PDE1A: variants seen among roughly 807,000 people sequenced by gnomAD.
The protein encoded by PDE1A is dual specificity calcium/calmodulin-dependent 3',5'-cyclic nucleotide phosphodiesterase 1A.
A neutral mutation model predicts 61.7 loss-of-function variants in PDE1A; 35 were observed. That is an observed-to-expected ratio of 0.57 (90% CI 0.43 to 0.75). PDE1A has a LOEUF of 0.75. Among genes scored for constraint, PDE1A ranks in the 30% least tolerant of loss-of-function variants. The probability of loss-of-function intolerance (pLI) is 0.00; values close to 1 mark genes in which losing one functional copy is unlikely to be tolerated. For synonymous variants in PDE1A, 232 were observed against 213.2 expected (o/e 1.09, Z -0.77); for missense variants, 597 against 630.6 (o/e 0.95, Z 0.57).
At chr2:182,677,880 A>G in the PDE1A span, among the ~76,000 whole-genome samples, 1 of 152,198 alleles carries the variant, frequency 6.6e-6, no homozygotes, top group African/African-American at 2.4e-5. Context: ...TTTTCTGTAC[A>G]TGTCTGACTG....
the PDE1A span, among the ~76,000 whole-genome samples, chr2:182,542,462 G>A: frequency 6.6e-6 from 1 of 152,060 alleles, no homozygotes. Context: ...CTTGCATTCT[G>A]TATGAATTAA....
chr2:182,203,025 CTATA>C lies in PDE1A; in HGVS notation c.903-1240_903-1237del, dbSNP rs200757950. Among the ~76,000 whole-genome samples the C allele has an allele frequency of 3.4e-3, 524 of 152,166 alleles. 18 individuals are homozygous for C. The highest frequency in any genetic ancestry group is 0.031 in the Admixed American group (478 of 15,282). On this transcript the variant is annotated intron_variant, in intron 8 of 13. Transcript: ENST00000351439. ...CTATTTAATTGCCTTTTTAAAAAAA[CTATA>C]TATTGGCTGGGCATGGTGGCTCACG...
intron 1 of PDE1A, among the ~76,000 whole-genome samples, chr2:182,411,813 C>A (rs1702632322): frequency 6.6e-6 from 1 of 152,178 alleles, no homozygotes; most frequent in South Asian, 2.1e-4. Flanking sequence ...GTAATCCCAG[C>A]ACTTTGGGAG....
At chr2:182,262,955 ATGTGTGTGTGTG>A (rs60469609) in intron 2 of PDE1A, among the ~76,000 whole-genome samples, 3 of 147,158 alleles carry the variant, frequency 2.0e-5, no homozygotes, top group African/African-American at 2.5e-5. Context: ...TTATTAAACA[ATGTGTGTGTGTG>A]TGTGTGTGTG....
intron 2 of PDE1A, among the ~76,000 whole-genome samples, chr2:182,263,541 G>A (rs1692382488): frequency 6.6e-6 from 1 of 152,042 alleles, no homozygotes; most frequent in African/African-American, 2.4e-5. Context: ...GTCAAATGCT[G>A]GAAATGCATG....
chr2:182,389,002 G>A (rs932165580), intron 1 of PDE1A, among the ~76,000 whole-genome samples: 4 of 152,020 alleles, frequency 2.6e-5, no homozygotes, highest in Admixed American at 6.5e-5. Flanking sequence ...AGACTACTAT[G>A]AACAATTGTA....
chr2:182,626,768 TATAC>T, the PDE1A span, among the ~76,000 whole-genome samples: 6 of 3,150 alleles, frequency 1.9e-3, 2 homozygotes, highest in South Asian at 0.045. Context: ...TATACATATA[TATAC>T]ATATATATAC....
At chr2:182,249,432 C>A (rs761104437) in intron 2 of PDE1A, among the ~76,000 whole-genome samples, 1 of 152,040 alleles carries the variant, frequency 6.6e-6, no homozygotes, top group Non-Finnish European at 1.5e-5. Context: ...CTTGGTCTTG[C>A]GGGGCAAACC....
chr2:182,225,964 A>G (rs577443948), intron 6 of PDE1A, among the ~76,000 whole-genome samples: 1 of 149,912 alleles, frequency 6.7e-6, no homozygotes, highest in Middle Eastern at 3.4e-3. Flanking sequence ...GTTACCTTAT[A>G]GAGGTCTGAA....
intron 3 of PDE1A, among the ~76,000 whole-genome samples, chr2:182,234,817 C>G (rs980768014): frequency 6.6e-6 from 1 of 152,170 alleles, no homozygotes; most frequent in Non-Finnish European, 1.5e-5. Flanking sequence ...TTCTAACATG[C>G]CACCATATCC....
the PDE1A span, among the ~76,000 whole-genome samples, chr2:182,561,960 A>T: frequency 3.9e-5 from 6 of 152,004 alleles, no homozygotes; most frequent in Admixed American, 6.6e-5. Flanking sequence ...TTTTGGGCTG[A>T]GACAATGGTG....
the PDE1A span, among the ~76,000 whole-genome samples, chr2:182,578,569 A>G: frequency 6.6e-6 from 1 of 152,222 alleles, no homozygotes; most frequent in Non-Finnish European, 1.5e-5. Context: ...TTAACAGCAA[A>G]GAGGACAGGG....
In PDE1A at chr2:182,434,450, T is replaced by C. The variant is rs536989327; in HGVS notation, c.101+87826A>G. Among the ~76,000 whole-genome samples, 20 of 152,210 alleles carry C rather than the reference T, an allele frequency of 1.3e-4. No individual in the cohort carries two copies. The South Asian group carries it at 4.1e-3, about 32-fold the overall frequency. On this transcript the variant is annotated intron_variant, in intron 2 of 14. Coordinates refer to the PDE1A transcript ENST00000410103. The stretch of plus-strand genomic sequence containing the variant: ...GTTACAGAAGCTGGGAAGTCCAATA[T>C]CAAGGTGTCAGCCTCTGGTTTAGTG...
At chr2:182,179,524 C>T (rs1684564958) in intron 13 of PDE1A, among the ~76,000 whole-genome samples, 1 of 152,076 alleles carries the variant, frequency 6.6e-6, no homozygotes, top group Admixed American at 6.6e-5. Flanking sequence ...ATAATTAGCT[C>T]ATGGGTGGGA....
At chr2:182,503,733 G>C (rs1024105989) in intron 2 of PDE1A, among the ~76,000 whole-genome samples, 1 of 152,084 alleles carries the variant, frequency 6.6e-6, no homozygotes, top group African/African-American at 2.4e-5. Context: ...AAACTCCCAA[G>C]AGTTTGTTGC....
the PDE1A span, among the ~76,000 whole-genome samples, chr2:182,658,805 A>G: frequency 4.7e-4 from 71 of 152,330 alleles, no homozygotes; most frequent in African/African-American, 1.7e-3. Flanking sequence ...TTTGGATATG[A>G]GATGTCCAGA....
At chr2:182,234,580 T>C in intron 3 of PDE1A, 82 bp from the exon 4 acceptor site, 1 of 913,808 alleles carries the variant, frequency 1.1e-6, no homozygotes, top group Non-Finnish European at 1.8e-6. Context: ...AGGGAAAAGA[T>C]TACTTTTGAC....
chr2:182,155,650 G>A (rs201773584), intron 13 of PDE1A, among the ~76,000 whole-genome samples: 1 of 152,148 alleles, frequency 6.6e-6, no homozygotes, highest in East Asian at 1.9e-4. Context: ...AGAACTTTGG[G>A]AGGCAGAGCC....
chr2:182,402,539 A>G (rs976393502), intron 1 of PDE1A, among the ~76,000 whole-genome samples: 5 of 152,228 alleles, frequency 3.3e-5, no homozygotes, highest in Non-Finnish European at 5.9e-5. Flanking sequence ...ATTAAGATTA[A>G]AGACTTAAAT....
Sources: gnomAD v4.1 joint callset for allele counts (sites outside exome capture counted in the v4.1 genomes callset) on GRCh38, gnomAD v4.1.1 for gene constraint, MANE v1.5 for transcripts, NCBI Gene and HGNC (gene_info 2026-07-23, HGNC 2026-07-21) for gene names.